Variants in JARID2 observed in about 807,000 individuals in gnomAD.
JARID2 encodes protein Jumonji.
A neutral mutation model predicts 125.6 loss-of-function variants in JARID2; 21 were observed. The ratio of observed to expected loss-of-function variants is 0.17; its 90% CI spans 0.12 to 0.24. JARID2 has a LOEUF of 0.24. JARID2 is among the 10% of genes least tolerant of loss of function. JARID2 has a pLI of 1.00. For synonymous variants in JARID2, 736 were observed against 661.6 expected, an observed-to-expected ratio of 1.11 and a Z score of -1.73; for missense variants, 1,303 against 1,639.6, an observed-to-expected ratio of 0.79 and a Z score of 3.55.
At chr6:15,265,676 C>T (rs1317459981) in intron 1 of JARID2, among the ~76,000 whole-genome samples, 1 of 152,178 alleles carries the variant, frequency 6.6e-6, no homozygotes, top group Non-Finnish European at 1.5e-5. Flanking sequence ...GAGTATTCTG[C>T]AGGGCTCTCC....
rs569229144 is a variant in JARID2 at position 15,466,795 on chromosome 6, T to C, written c.494-1747T>C. Among the ~76,000 whole-genome samples, 11 of 152,344 alleles carry C rather than the reference T, an allele frequency of 7.2e-5. 1 individual carries two copies. The East Asian group carries it at 2.1e-3, about 29-fold the overall frequency. On this transcript the variant is annotated intron_variant, in intron 4 of 17. Transcript: ENST00000341776. ...TATTTTGGTCCAGTGGAAATGTGGA[T>C]AGATATTTTTTTCTCTTTCTCTTTT...
intron 4 of JARID2, among the ~76,000 whole-genome samples, chr6:15,463,156 A>G (rs189854502): frequency 6.6e-6 from 1 of 152,294 alleles, no homozygotes; most frequent in African/African-American, 2.4e-5. Flanking sequence ...AACTGTCTAT[A>G]TTGACTATAC....
intron 5 of JARID2, among the ~76,000 whole-genome samples, chr6:15,481,919 C>G (rs1293679995): frequency 6.6e-6 from 1 of 152,198 alleles, no homozygotes; most frequent in Non-Finnish European, 1.5e-5. Context: ...TCACCTGCCT[C>G]CCTCTCGTCT....
intron 17 of JARID2, among the ~76,000 whole-genome samples, chr6:15,519,066 C>T (rs943676524): frequency 2.0e-5 from 3 of 152,152 alleles, no homozygotes; most frequent in Non-Finnish European, 2.9e-5. Flanking sequence ...GGCCGCCTGC[C>T]GCCGAGCCTA....
At chr6:15,322,842 A>G (rs1208863807) in intron 1 of JARID2, among the ~76,000 whole-genome samples, 1 of 152,260 alleles carries the variant, frequency 6.6e-6, no homozygotes, top group Non-Finnish European at 1.5e-5. Context: ...CCACTTCCAA[A>G]TTATGTCTTC....
intron 3 of JARID2, among the ~76,000 whole-genome samples, chr6:15,433,410 C>CTCTGTGTGTGTGTGTG (rs1241800597): frequency 4.2e-5 from 6 of 143,428 alleles, no homozygotes; most frequent in African/African-American, 7.9e-5. Flanking sequence ...CCATGTCTCT[C>CTCTGTGTGTGTGTGTG]TGTGTGTGTG....
chr6:15,280,863 A>G (rs1760723260), intron 1 of JARID2, among the ~76,000 whole-genome samples: 1 of 152,152 alleles, frequency 6.6e-6, no homozygotes, highest in South Asian at 2.1e-4. Context: ...TCCTGACCTC[A>G]GGTTATCCTC....
At chr6:15,471,135 G>T (rs1024202656) in intron 5 of JARID2, among the ~76,000 whole-genome samples, 6 of 152,238 alleles carry the variant, frequency 3.9e-5, no homozygotes, top group African/African-American at 1.4e-4. Flanking sequence ...AGAGGCGGGG[G>T]TGAAGGTAAT....
chr6:15,491,267 G>T (rs1770137098), intron 6 of JARID2, among the ~76,000 whole-genome samples: 1 of 152,204 alleles, frequency 6.6e-6, no homozygotes, highest in South Asian at 2.1e-4. Flanking sequence ...GGGAGGAGAG[G>T]TTATAGGTAC....
intron 9 of JARID2, among the ~76,000 whole-genome samples, 166 bp from the exon 10 acceptor site, chr6:15,506,967 TGTC>T (rs1771033875): frequency 1.3e-5 from 2 of 152,208 alleles, no homozygotes; most frequent in Non-Finnish European, 2.9e-5. Flanking sequence ...GGAGGTGACC[TGTC>T]ATTGCTTTCT....
At chr6:15,346,983 C>T (rs957344229) in intron 1 of JARID2, among the ~76,000 whole-genome samples, 3 of 152,104 alleles carry the variant, frequency 2.0e-5, no homozygotes, top group Non-Finnish European at 4.4e-5. Context: ...ATCTGCCTGC[C>T]TCAGCCTCCC....
chr6:15,248,989 C>T, intron 1 of JARID2: 1 of 983,980 alleles, frequency 1.0e-6, no homozygotes, highest in Non-Finnish European at 1.2e-6. Flanking sequence ...GCCGTAGGTC[C>T]CCAAAGGAGT....
chr6:15,365,103 CAT>C (rs891789493), intron 1 of JARID2, among the ~76,000 whole-genome samples: 3 of 152,122 alleles, frequency 2.0e-5, no homozygotes, highest in African/African-American at 7.2e-5. Context: ...ATTCTAGTAA[CAT>C]AAATTCCCAA....
chr6:15,425,115 C>G (rs1397642244), intron 3 of JARID2, among the ~76,000 whole-genome samples: 1 of 152,112 alleles, frequency 6.6e-6, no homozygotes, highest in Non-Finnish European at 1.5e-5. Flanking sequence ...GATGTCTGCT[C>G]ACCTTAAATA....
Position 15,503,540 on chromosome 6 carries a change from C to A in JARID2, c.2449-960C>A, listed in dbSNP as rs187011177. Among the ~76,000 whole-genome samples the A allele has an allele frequency of 2.0e-5, 3 of 152,280 alleles. No homozygotes were observed. In the East Asian group the frequency reaches 5.8e-4, roughly 29 times the overall value. On this transcript the variant is annotated intron_variant, in intron 8 of 17. Coordinates refer to ENST00000341776, the MANE Select transcript of JARID2 (RefSeq NM_004973.4). ...GAAGCCTTCCCTGACCACCCTCCCC[C>A]ACTCTACATGACACCTGGCACCTCC...
intron 1 of JARID2, among the ~76,000 whole-genome samples, chr6:15,271,510 A>G (rs1760294166): frequency 6.6e-6 from 1 of 152,252 alleles, no homozygotes; most frequent in Non-Finnish European, 1.5e-5. Flanking sequence ...TTTGAAAACT[A>G]TTGTTATAGA....
At chr6:15,395,082 G>GT (rs1554131603) in intron 2 of JARID2, among the ~76,000 whole-genome samples, 3 of 151,848 alleles carry the variant, frequency 2.0e-5, no homozygotes, top group Non-Finnish European at 2.9e-5. Flanking sequence ...GAAGCAAATC[G>GT]TTGCTTCTGT....
intron 1 of JARID2, among the ~76,000 whole-genome samples, chr6:15,323,965 A>G (rs569646761): frequency 4.1e-4 from 62 of 151,886 alleles, no homozygotes; most frequent in Non-Finnish European, 5.7e-4. Flanking sequence ...GGCGGATCAC[A>G]AGGTCAGCAG....
At position 15,507,320 on chromosome 6, in the gene JARID2, A is replaced by G; in HGVS notation, c.2661-26A>G. 3 of 1,611,482 alleles carry G rather than the reference A, an allele frequency of 1.9e-6. No homozygotes were observed. In the South Asian group the frequency reaches 3.3e-5, roughly 18 times the overall value. On this transcript the variant is annotated intron_variant, in intron 10 of 17. Coordinates refer to ENST00000341776, the MANE Select transcript of JARID2 (RefSeq NM_004973.4). ...CTGCATCCTTTCCCCGCCAGTTTGT[A>G]ACGTCCCTCGTCTTCCCCTTTGCAG...
Sources: allele counts gnomAD v4.1 joint callset (sites outside exome capture counted in the v4.1 genomes callset), GRCh38; gene constraint gnomAD v4.1.1; transcripts MANE v1.5; gene names NCBI Gene and HGNC (gene_info 2026-07-23, HGNC 2026-07-21).